The following ELF2 variants were observed in gnomAD, a reference collection of about 807,000 sequenced individuals.
The protein encoded by ELF2 is E74 like ETS transcription factor 2.
In ELF2, 11 loss-of-function variants were observed where a neutral mutation model predicts 54.8. The ratio of observed to expected loss-of-function variants is 0.20; its 90% CI spans 0.13 to 0.33. The LOEUF (loss-of-function observed/expected upper bound fraction) is 0.33, where lower values mean the gene tolerates loss of function less well. ELF2 is among the 10% of genes least tolerant of loss of function. ELF2 has a pLI of 1.00. For missense variants in ELF2, 513 were observed against 703.0 expected, an observed-to-expected ratio of 0.73 and a Z score of 3.06; for synonymous variants, 203 against 245.1, an observed-to-expected ratio of 0.83 and a Z score of 1.61.
At chr4:139,153,071 G>A (rs764533983) in intron 1 of ELF2, among the ~76,000 whole-genome samples, 1 of 151,600 alleles carries the variant, frequency 6.6e-6, no homozygotes, top group Non-Finnish European at 1.5e-5. Context: ...TGTAAAATAG[G>A]CATAATTATC....
chr4:139,125,914 C>G (rs986619152), intron 3 of ELF2, among the ~76,000 whole-genome samples: 2 of 152,072 alleles, frequency 1.3e-5, no homozygotes, highest in Non-Finnish European at 2.9e-5. Flanking sequence ...GCAACCAGAC[C>G]TCCTCCACCT....
rs186703511 is a variant in ELF2 at position 139,156,300 on chromosome 4, C to G, written c.-251-16803G>C. The stretch of plus-strand genomic sequence containing the variant: ...ACGCCATTCTCCTGCCTCAGCCTCC[C>G]GAGTAGCTGGGACTACAGGCACCCG... On this transcript the variant is annotated intron_variant, in intron 1 of 9. Coordinates refer to ENST00000686138, the MANE Select transcript of ELF2 (RefSeq NM_001331036.3). Among the ~76,000 whole-genome samples, 1,344 of 152,142 alleles carry G rather than the reference C, an allele frequency of 8.8e-3. 14 individuals carry two copies. The highest frequency in any genetic ancestry group is 0.031 in the African/African-American group (1,283 of 41,502).
chr4:139,121,921 C>G (rs1422754242), intron 4 of ELF2, among the ~76,000 whole-genome samples: 1 of 152,182 alleles, frequency 6.6e-6, no homozygotes, highest in East Asian at 1.9e-4. Context: ...GAGAAACAAA[C>G]AGCTCGTAAT....
chr4:139,107,415 G>A (rs1734522779), intron 4 of ELF2, among the ~76,000 whole-genome samples: 1 of 152,182 alleles, frequency 6.6e-6, no homozygotes, highest in Non-Finnish European at 1.5e-5. Context: ...ATAAATGTTT[G>A]AGGTGATGGA....
chr4:139,057,385 G>A lies in ELF2; in HGVS notation c.*1598C>T, dbSNP rs1578641251. The A allele has an allele frequency of 6.6e-6, 1 of 152,142 alleles. No individual in the cohort carries two copies. Among genetic ancestry groups the A allele is most frequent in the African/African-American group, 2.4e-5 (1 of 41,432 alleles). 9.4% of individuals were successfully genotyped at this position (152,142 alleles called of 1,614,324 possible). A position where few individuals can be genotyped will look rare whatever the true frequency, so the allele number is the denominator to read the frequency against. On this transcript the variant is annotated 3_prime_UTR_variant, in exon 10 of 10. Coordinates refer to ENST00000686138, the MANE Select transcript of ELF2 (RefSeq NM_001331036.3). ...TCAATTAAAAGACAAAAAATATTAT[G>A]TATGAGTTCATCTACATTTCTAAAA... is the stretch of plus-strand genomic sequence containing the variant.
At chr4:139,083,429 G>A (rs1413607879) in intron 4 of ELF2, among the ~76,000 whole-genome samples, 1 of 152,196 alleles carries the variant, frequency 6.6e-6, no homozygotes, top group Non-Finnish European at 1.5e-5. Flanking sequence ...CGTTAAATGA[G>A]CAAAGGGAGG....
chr4:139,061,458 A>G (rs1057446891), intron 8 of ELF2, among the ~76,000 whole-genome samples: 2 of 152,222 alleles, frequency 1.3e-5, no homozygotes, highest in Non-Finnish European at 2.9e-5. Flanking sequence ...TATAGGCGTG[A>G]GCCACCATGC....
At position 139,073,436 on chromosome 4, in the gene ELF2, A is replaced by T; in HGVS notation, c.352+18T>A. ...AGTAGTATGACACGTTTAACATAAG[A>T]ATGAACAGTTTACATACCAGGACTT... On this transcript the variant is annotated intron_variant, in intron 5 of 9. Coordinates refer to ENST00000686138, the MANE Select transcript of ELF2 (RefSeq NM_001331036.3). 1 of 1,549,452 alleles carries T rather than the reference A, an allele frequency of 6.5e-7. No individual in the cohort carries two copies.
intron 6 of ELF2, among the ~76,000 whole-genome samples, chr4:139,068,928 G>T (rs1001955376): frequency 3.3e-5 from 5 of 151,572 alleles, no homozygotes; most frequent in African/African-American, 1.2e-4. Context: ...ACCCAGACTG[G>T]AGCGCAGTGA....
intron 1 of ELF2, chr4:139,155,401 G>C (rs1194698171): frequency 6.6e-6 from 1 of 152,262 alleles, no homozygotes; most frequent in Non-Finnish European, 1.5e-5. Context: ...CCTCAGAACA[G>C]CCCTTGCACT....
intron 4 of ELF2, among the ~76,000 whole-genome samples, chr4:139,123,677 A>G (rs1176253624): frequency 6.6e-6 from 1 of 152,174 alleles, no homozygotes; most frequent in African/African-American, 2.4e-5. Context: ...CCAACTTGCT[A>G]TCAAAATCAT....
At chr4:139,167,841 T>A (rs1741875938) in intron 1 of ELF2, among the ~76,000 whole-genome samples, 1 of 152,136 alleles carries the variant, frequency 6.6e-6, no homozygotes, top group Admixed American at 6.6e-5. Context: ...GGATGAGAAG[T>A]CGATGGTTCC....
chr4:139,079,100 A>AT (rs528903734), intron 4 of ELF2, among the ~76,000 whole-genome samples: 2,862 of 145,510 alleles, frequency 0.02, 89 homozygotes, highest in African/African-American at 0.066. Context: ...TAATTTTTTG[A>AT]TTTTTTTTTT....
Position 139,165,532 on chromosome 4 carries a change from T to C in ELF2, c.-252+11435A>G, listed in dbSNP as rs548637646. Among the ~76,000 whole-genome samples the C allele has an allele frequency of 7.9e-5, 12 of 152,238 alleles. No homozygotes were observed. In the East Asian group the frequency reaches 1.9e-3, roughly 25 times the overall value. On this transcript the variant is annotated intron_variant, in intron 1 of 9. Transcript: ENST00000686138. Reference sequence around the variant, plus strand: ...ACAAAATTAGGCCAGGCACAACGGCTCACGCCTGTAATCCCAGCTACCCGG... The same window carrying C: ...ACAAAATTAGGCCAGGCACAACGGCCCACGCCTGTAATCCCAGCTACCCGG...
chr4:139,085,621 T>TA, intron 4 of ELF2, among the ~76,000 whole-genome samples: 1 of 152,322 alleles, frequency 6.6e-6, no homozygotes, highest in East Asian at 1.9e-4. Context: ...ACCCTACCCC[T>TA]ATCACCATGA....
intron 7 of ELF2, among the ~76,000 whole-genome samples, chr4:139,063,479 C>A (rs189030979): frequency 6.6e-6 from 1 of 152,166 alleles, no homozygotes; most frequent in African/African-American, 2.4e-5. Context: ...AACATTAGCT[C>A]TGGATCACAC....
chr4:139,154,484 A>G (rs1740330444), intron 1 of ELF2, among the ~76,000 whole-genome samples: 1 of 152,086 alleles, frequency 6.6e-6, no homozygotes, highest in Admixed American at 6.5e-5. Flanking sequence ...AGGACCTCCA[A>G]ATCACTAAGC....
chr4:139,119,706 A>G (rs1442840950), intron 4 of ELF2, among the ~76,000 whole-genome samples: 2 of 152,120 alleles, frequency 1.3e-5, no homozygotes, highest in Non-Finnish European at 2.9e-5. Context: ...CATTCCTTAA[A>G]TTATCCTAAT....
chr4:139,073,008 C>T (rs554369393), intron 5 of ELF2, among the ~76,000 whole-genome samples: 2 of 152,284 alleles, frequency 1.3e-5, no homozygotes, highest in Admixed American at 6.5e-5. Flanking sequence ...TAAAAACTCA[C>T]ACTGAAGGAT....
Sources: allele counts gnomAD v4.1 joint callset (sites outside exome capture counted in the v4.1 genomes callset), GRCh38; gene constraint gnomAD v4.1.1; transcripts MANE v1.5; gene names NCBI Gene and HGNC (gene_info 2026-07-23, HGNC 2026-07-21).